ELOVL6: variants seen among roughly 807,000 people sequenced by gnomAD.
The protein encoded by ELOVL6 is very long chain fatty acid elongase 6.
In ELOVL6, 8 loss-of-function variants were observed where a neutral mutation model predicts 31.7. The observed-to-expected ratio is 0.25, with a 90% CI of 0.15 to 0.45. ELOVL6 has a LOEUF of 0.45. ELOVL6 is among the 20% of genes least tolerant of loss of function. The probability of loss-of-function intolerance (pLI) is 1.00; values close to 1 mark genes in which losing one functional copy is unlikely to be tolerated. For missense variants in ELOVL6, 126 were observed against 326.4 expected, an observed-to-expected ratio of 0.39 and a Z score of 4.73; for synonymous variants, 101 against 117.7, an observed-to-expected ratio of 0.86 and a Z score of 0.92.
intron 1 of ELOVL6, among the ~76,000 whole-genome samples, chr4:110,118,874 C>T (rs1757262740): frequency 6.6e-6 from 1 of 152,118 alleles, no homozygotes; most frequent in Admixed American, 6.5e-5. Context: ...TGAGACCAGC[C>T]TGGGCAACAT....
Position 110,117,257 on chromosome 4 carries a change from G to A in ELOVL6, c.90-11629C>T, listed in dbSNP as rs139234016. Among the ~76,000 whole-genome samples the A allele has an allele frequency of 4.3e-3, 659 of 152,220 alleles. 8 individuals carry two copies. The highest frequency in any genetic ancestry group is 4.4e-3 in the Non-Finnish European group (301 of 68,012). On this transcript the variant is annotated intron_variant, in intron 1 of 3. Transcript: ENST00000302274. ...CAATAGTGCTAAGGTTGAGGATCCT[G>A]AACAAGAGAAATATGGAGACAGAAA... is the stretch of plus-strand genomic sequence containing the variant.
chr4:110,166,157 G>A (rs189321480), intron 1 of ELOVL6, among the ~76,000 whole-genome samples: 1 of 152,084 alleles, frequency 6.6e-6, no homozygotes, highest in East Asian at 1.9e-4. Flanking sequence ...GTTGCTCAAG[G>A]CACATTCATT....
chr4:110,122,529 A>G (rs1757383320), intron 1 of ELOVL6, among the ~76,000 whole-genome samples: 1 of 152,120 alleles, frequency 6.6e-6, no homozygotes, highest in South Asian at 2.1e-4. Flanking sequence ...GGTGCTTGTC[A>G]CCACACCTGG....
At chr4:110,132,599 G>A (rs1003519681) in intron 1 of ELOVL6, among the ~76,000 whole-genome samples, 12 of 151,986 alleles carry the variant, frequency 7.9e-5, no homozygotes, top group African/African-American at 2.7e-4. Context: ...GGCCGAGGTA[G>A]ACAGATCACT....
chr4:110,120,776 GTTCTTTTCTTTTTT>G lies in ELOVL6; in HGVS notation c.90-15162_90-15149del, dbSNP rs1243593698. Among the ~76,000 whole-genome samples the G allele has an allele frequency of 1.3e-3, 197 of 146,684 alleles. 1 individual carries two copies. Among genetic ancestry groups the G allele is most frequent in the Admixed American group, 6.0e-3 (88 of 14,598 alleles). ...CCAGGAATGTTACACTTCTCAGCTGGTTCTTTTCTTTTTTTTCTTTTCTTTTTTTTTTTTTTTTT... is the reference window on the plus strand; with the variant it reads ...CCAGGAATGTTACACTTCTCAGCTGGTTCTTTTCTTTTTTTTTTTTTTTTT... On this transcript the variant is annotated intron_variant, in intron 1 of 3. Transcript: ENST00000302274.
chr4:110,068,328 C>G (rs1304223064), intron 2 of ELOVL6, among the ~76,000 whole-genome samples: 1 of 152,072 alleles, frequency 6.6e-6, no homozygotes. Context: ...TGTTGCAGTG[C>G]GAAGCCTGTC....
At chr4:110,094,264 T>A (rs1342439171) in intron 2 of ELOVL6, among the ~76,000 whole-genome samples, 6 of 139,456 alleles carry the variant, frequency 4.3e-5, no homozygotes, top group Non-Finnish European at 7.9e-5. Context: ...AAAAAAAAAA[T>A]CTGGATGGGC....
At chr4:110,098,684 A>C (rs183604138) in intron 2 of ELOVL6, among the ~76,000 whole-genome samples, 1 of 152,102 alleles carries the variant, frequency 6.6e-6, no homozygotes, top group African/African-American at 2.4e-5. Context: ...AATTTTCATA[A>C]ATGATTTTAC....
chr4:110,048,939 C>G lies in ELOVL6; in HGVS notation c.*2399G>C, dbSNP rs914211963. ...TATGCTCACTTCCGTTTCTAACCTG[C>G]ATTAAGAGATCTGCAATAAATCACT... On this transcript the variant is annotated 3_prime_UTR_variant, in exon 4 of 4. Coordinates refer to ENST00000302274, the MANE Select transcript of ELOVL6 (RefSeq NM_024090.3). 1.3e-4 allele frequency: 20 copies of G among 152,140 alleles called. No individual in the cohort carries two copies. The highest frequency in any genetic ancestry group is 4.6e-4 in the African/African-American group (19 of 41,432). 9.4% of individuals were successfully genotyped at this position (152,140 alleles called of 1,614,324 possible).
At chr4:110,141,687 T>C (rs1757962634) in intron 1 of ELOVL6, among the ~76,000 whole-genome samples, 1 of 148,186 alleles carries the variant, frequency 6.7e-6, no homozygotes, top group South Asian at 2.1e-4. Flanking sequence ...TATATAGTAT[T>C]AGTATATATA....
chr4:110,087,792 A>C (rs962559984), intron 2 of ELOVL6, among the ~76,000 whole-genome samples: 6 of 147,254 alleles, frequency 4.1e-5, no homozygotes, highest in African/African-American at 1.6e-4. Flanking sequence ...CCTGTTACCT[A>C]AAATAAAATT....
At chr4:110,114,932 C>T (rs1490746880) in intron 1 of ELOVL6, among the ~76,000 whole-genome samples, 2 of 152,128 alleles carry the variant, frequency 1.3e-5, no homozygotes, top group Admixed American at 6.6e-5. Flanking sequence ...TGTTTATGAG[C>T]ACTTTCTCTG....
chr4:110,123,631 G>C (rs1757413549), intron 1 of ELOVL6, among the ~76,000 whole-genome samples: 1 of 152,182 alleles, frequency 6.6e-6, no homozygotes, highest in Non-Finnish European at 1.5e-5. Context: ...GGCACACTGG[G>C]AAGGTGGATG....
At position 110,047,596 on chromosome 4, in the gene ELOVL6, A is replaced by G. The variant is rs1754725191; in HGVS notation, c.*3742T>C. The G allele has an allele frequency of 2.0e-5, 3 of 152,308 alleles. No individual in the cohort carries two copies. Among genetic ancestry groups the G allele is most frequent in the Admixed American group, 2.0e-4 (3 of 15,276 alleles). 9.4% of individuals were successfully genotyped at this position (152,308 alleles called of 1,614,324 possible). A position where few individuals can be genotyped will look rare whatever the true frequency, so the allele number is the denominator to read the frequency against. ...TATGAAGATGCTACATCTGATTTAA[A>G]AAAACATTCTGGGCCAGGCACGGTG... On this transcript the variant is annotated 3_prime_UTR_variant, in exon 4 of 4. Transcript: ENST00000302274.
chr4:110,156,726 A>C (rs1164353171), intron 1 of ELOVL6, among the ~76,000 whole-genome samples: 1 of 152,172 alleles, frequency 6.6e-6, no homozygotes, highest in Non-Finnish European at 1.5e-5. Flanking sequence ...AATAAAGCAC[A>C]TGCTTCTTTT....
intron 2 of ELOVL6, among the ~76,000 whole-genome samples, chr4:110,081,045 G>C (rs929901999): frequency 5.3e-5 from 8 of 152,084 alleles, no homozygotes; most frequent in African/African-American, 1.9e-4. Flanking sequence ...GGGATGTGAA[G>C]GACCTCTTCA....
chr4:110,193,730 A>C (rs1455071578), intron 1 of ELOVL6, among the ~76,000 whole-genome samples: 2 of 152,242 alleles, frequency 1.3e-5, no homozygotes, highest in African/African-American at 2.4e-5. Context: ...ACTATCTTAT[A>C]GACTCTATAA....
chr4:110,193,084 A>G (rs1406703034), intron 1 of ELOVL6, among the ~76,000 whole-genome samples: 1 of 152,212 alleles, frequency 6.6e-6, no homozygotes, highest in East Asian at 1.9e-4. Flanking sequence ...GACTTCAGGA[A>G]GCAATTCAAA....
intron 1 of ELOVL6, among the ~76,000 whole-genome samples, chr4:110,175,522 A>G (rs1265713606): frequency 6.6e-6 from 1 of 152,236 alleles, no homozygotes; most frequent in East Asian, 1.9e-4. Flanking sequence ...AGTAACATCA[A>G]TGATAACAAC....
Sources: gnomAD v4.1 joint callset for allele counts (sites outside exome capture counted in the v4.1 genomes callset) on GRCh38, gnomAD v4.1.1 for gene constraint, MANE v1.5 for transcripts, NCBI Gene and HGNC (gene_info 2026-07-23, HGNC 2026-07-21) for gene names.